FAM20B: variants seen among roughly 807,000 people sequenced by gnomAD.
The protein encoded by FAM20B is glycosaminoglycan xylosylkinase.
A neutral mutation model predicts 43.8 loss-of-function variants in FAM20B; 23 were observed. That is an observed-to-expected ratio of 0.53 (90% CI 0.38 to 0.74). The LOEUF is 0.74. Ranked by LOEUF, FAM20B falls within the 30% of genes least tolerant of loss-of-function variation. The probability of loss-of-function intolerance (pLI) is 0.00; values close to 1 mark genes in which losing one functional copy is unlikely to be tolerated. For synonymous variants in FAM20B, 178 were observed against 192.4 expected, an observed-to-expected ratio of 0.93 and a Z score of 0.62; for missense variants, 440 against 510.5, an observed-to-expected ratio of 0.86 and a Z score of 1.33.
rs1444409580 is a variant in FAM20B at position 179,025,968 on chromosome 1, G to A, written c.-264G>A. The stretch of plus-strand genomic sequence containing the variant: ...GGGCCGGGGGTGGGCCGGAGCCGCT[G>A]TGGCGGCGGCGGCGGCTGGGGGCGG... On this transcript the variant is annotated 5_prime_UTR_variant, in exon 1 of 8. It adds an upstream start codon to the 5' untranslated region. Coordinates refer to ENST00000263733, the MANE Select transcript of FAM20B (RefSeq NM_014864.4). 2 of 147,984 alleles carry A rather than the reference G, an allele frequency of 1.4e-5. No individual in the cohort carries two copies. The highest frequency in any genetic ancestry group is 2.0e-4 in the East Asian group (1 of 5,012). The allele number at this position is 147,984 out of a possible 1,614,324, so 9.2% of individuals were successfully genotyped here.
chr1:179,058,954 G>A (rs1651343746), intron 4 of FAM20B, among the ~76,000 whole-genome samples: 1 of 152,228 alleles, frequency 6.6e-6, no homozygotes, highest in African/African-American at 2.4e-5. Flanking sequence ...ACTATTTTAG[G>A]AATGTAGGGA....
intron 1 of FAM20B, among the ~76,000 whole-genome samples, chr1:179,037,479 C>CTTTTTTTTTTTTTTTTTTTT (rs768903406): frequency 1.1e-5 from 1 of 88,380 alleles, no homozygotes; most frequent in Admixed American, 1.5e-4. Flanking sequence ...GTATGTCGGT[C>CTTTTTTTTTTTTTTTTTTTT]TTTTTTTTTT....
intron 4 of FAM20B, among the ~76,000 whole-genome samples, chr1:179,061,467 C>T (rs951499348): frequency 2.6e-5 from 4 of 152,066 alleles, no homozygotes; most frequent in Non-Finnish European, 4.4e-5. Flanking sequence ...TGCAGTGGCA[C>T]GATGATGGCC....
the FAM20B span, among the ~76,000 whole-genome samples, chr1:179,019,244 G>C: frequency 6.6e-6 from 1 of 152,188 alleles, no homozygotes; most frequent in African/African-American, 2.4e-5. Context: ...TAATCCAGTG[G>C]GGAGAAAATG....
At chr1:179,033,165 A>G (rs1227927307) in intron 1 of FAM20B, among the ~76,000 whole-genome samples, 2 of 152,216 alleles carry the variant, frequency 1.3e-5, no homozygotes, top group Non-Finnish European at 2.9e-5. Context: ...GTTTTGGCTG[A>G]AGTACAAAAG....
At chr1:179,066,706 A>C (rs539290094) in intron 6 of FAM20B, 94 bp from the exon 7 acceptor site, 593 of 831,606 alleles carry the variant, frequency 7.1e-4, no homozygotes, top group Non-Finnish European at 1.1e-3. Context: ...ATCTAGGATC[A>C]CATTTGAGTT....
intron 7 of FAM20B, among the ~76,000 whole-genome samples, chr1:179,070,457 T>C (rs933648902): frequency 2.0e-5 from 3 of 151,310 alleles, no homozygotes; most frequent in Non-Finnish European, 4.4e-5. Context: ...TGTGTCATCA[T>C]GTCACATGGC....
At chr1:179,034,773 T>C (rs1444371446) in intron 1 of FAM20B, among the ~76,000 whole-genome samples, 1 of 152,224 alleles carries the variant, frequency 6.6e-6, no homozygotes, top group Admixed American at 6.5e-5. Context: ...CCCCTTTGCC[T>C]CAGATCTCTT....
At chr1:179,032,295 A>G (rs937642117) in intron 1 of FAM20B, among the ~76,000 whole-genome samples, 6 of 147,238 alleles carry the variant, frequency 4.1e-5, no homozygotes, top group African/African-American at 1.5e-4. Context: ...TTAGCACAAC[A>G]CATGTAGAGG....
chr1:179,034,545 C>A (rs1650140595), intron 1 of FAM20B, among the ~76,000 whole-genome samples: 1 of 152,180 alleles, frequency 6.6e-6, no homozygotes, highest in Non-Finnish European at 1.5e-5. Context: ...CTGACTCCAC[C>A]TCTTGATAGG....
At chr1:179,054,429 C>G (rs1651126120) in intron 3 of FAM20B, 100 bp from the exon 4 acceptor site, 2 of 699,886 alleles carry the variant, frequency 2.9e-6, no homozygotes, top group Non-Finnish European at 5.0e-6. Context: ...AGCTAAAAAC[C>G]CTTTACACAT....
chr1:179,070,196 C>A (rs1422928274), intron 7 of FAM20B, among the ~76,000 whole-genome samples: 1 of 151,878 alleles, frequency 6.6e-6, no homozygotes, highest in Non-Finnish European at 1.5e-5. Context: ...CAGGCATGTA[C>A]CACCATGCCC....
At chr1:179,039,391 T>G (rs1254755656) in intron 1 of FAM20B, among the ~76,000 whole-genome samples, 1 of 152,250 alleles carries the variant, frequency 6.6e-6, no homozygotes, top group East Asian at 1.9e-4. Context: ...GGAGCAGTTC[T>G]TTATGTCTGT....
At chr1:179,047,071 G>A (rs1320026127) in intron 2 of FAM20B, among the ~76,000 whole-genome samples, 2 of 152,228 alleles carry the variant, frequency 1.3e-5, no homozygotes, top group Admixed American at 6.5e-5. Context: ...AGCAGGAAGT[G>A]TGTTAGAAGA....
intron 1 of FAM20B, among the ~76,000 whole-genome samples, chr1:179,040,775 G>A (rs1362331493): frequency 5.3e-5 from 8 of 151,880 alleles, no homozygotes; most frequent in Non-Finnish European, 8.8e-5. Context: ...CCTCCCTCCC[G>A]GACGGGTTGG....
the FAM20B span, among the ~76,000 whole-genome samples, chr1:179,020,039 C>T: frequency 1.3e-5 from 2 of 152,134 alleles, no homozygotes; most frequent in East Asian, 3.9e-4. Context: ...TTCGGGTCAC[C>T]TCCCTGTGCC....
intron 2 of FAM20B, among the ~76,000 whole-genome samples, chr1:179,046,911 G>A (rs1389686355): frequency 3.3e-5 from 5 of 151,642 alleles, no homozygotes; most frequent in Non-Finnish European, 5.9e-5. Flanking sequence ...CAGGAGAATC[G>A]CTTGAACCCG....
intron 6 of FAM20B, among the ~76,000 whole-genome samples, chr1:179,065,176 A>C (rs546329567): frequency 4.0e-5 from 6 of 149,252 alleles, no homozygotes; most frequent in African/African-American, 1.5e-4. Context: ...TTTGAGACGG[A>C]GTTTTGCTCT....
At chr1:179,051,793 C>G (rs759060543) in intron 3 of FAM20B, among the ~76,000 whole-genome samples, 2 of 151,922 alleles carry the variant, frequency 1.3e-5, no homozygotes, top group Non-Finnish European at 2.9e-5. Context: ...ACTACAGGTA[C>G]GCACCACCAC....
Sources: allele counts gnomAD v4.1 joint callset (sites outside exome capture counted in the v4.1 genomes callset), GRCh38; gene constraint gnomAD v4.1.1; transcripts MANE v1.5; gene names NCBI Gene and HGNC (gene_info 2026-07-23, HGNC 2026-07-21).